The following TCF12 variants were observed in gnomAD, a reference collection of about 807,000 sequenced individuals.
TCF12 encodes the protein transcription factor 12.
TCF12 carries 45 observed loss-of-function variants against 86.0 expected under a neutral mutation model. That is an observed-to-expected ratio of 0.52 (90% CI 0.41 to 0.67). The LOEUF is 0.67. Ranked by LOEUF, TCF12 falls within the 30% of genes least tolerant of loss-of-function variation. The pLI is 0.00. For synonymous variants in TCF12, 330 were observed against 299.6 expected, an observed-to-expected ratio of 1.10 and a Z score of -1.05; for missense variants, 881 against 859.9, an observed-to-expected ratio of 1.02 and a Z score of -0.31.
At chr15:57,233,274 G>A (rs2059241049) in intron 11 of TCF12, among the ~76,000 whole-genome samples, 1 of 151,846 alleles carries the variant, frequency 6.6e-6, no homozygotes, top group South Asian at 2.1e-4. Flanking sequence ...CAAGGTTGAG[G>A]AGGTGATCCT....
chr15:57,021,526 A>C (rs1168415382), intron 3 of TCF12, among the ~76,000 whole-genome samples: 1 of 152,206 alleles, frequency 6.6e-6, no homozygotes, highest in African/African-American at 2.4e-5. Flanking sequence ...TGAGAATGCT[A>C]TTCAGAATGA....
chr15:57,019,840 G>T (rs2065368725), intron 3 of TCF12, among the ~76,000 whole-genome samples: 1 of 151,994 alleles, frequency 6.6e-6, no homozygotes, highest in Non-Finnish European at 1.5e-5. Flanking sequence ...CATTTTATTA[G>T]AATTCATGCC....
intron 4 of TCF12, among the ~76,000 whole-genome samples, chr15:57,073,830 G>A (rs1414637804): frequency 1.3e-5 from 2 of 152,092 alleles, no homozygotes; most frequent in Non-Finnish European, 2.9e-5. Context: ...CTCACTGCAA[G>A]CTCTGCCTCC....
At chr15:57,163,214 A>G (rs967580298) in intron 5 of TCF12, among the ~76,000 whole-genome samples, 7 of 152,012 alleles carry the variant, frequency 4.6e-5, no homozygotes, top group African/African-American at 7.2e-5. Flanking sequence ...ACTAATTAAA[A>G]AAACTCTACA....
intron 3 of TCF12, among the ~76,000 whole-genome samples, chr15:56,924,119 A>G (rs1412012179): frequency 6.6e-6 from 1 of 152,122 alleles, no homozygotes; most frequent in Non-Finnish European, 1.5e-5. Context: ...ACTCTTCAGT[A>G]TTTCTATTTT....
intron 5 of TCF12, among the ~76,000 whole-genome samples, chr15:57,098,205 CAAAA>C (rs759728101): frequency 9.2e-5 from 14 of 151,650 alleles, no homozygotes; most frequent in Non-Finnish European, 1.8e-4. Context: ...AACAAACAAA[CAAAA>C]AAACAGAAAA....
intron 3 of TCF12, among the ~76,000 whole-genome samples, chr15:56,961,406 A>G (rs2061746791): frequency 6.6e-6 from 1 of 152,226 alleles, no homozygotes; most frequent in South Asian, 2.1e-4. Flanking sequence ...AGTATCAGGT[A>G]TCCAACCATA....
At chr15:56,919,751 G>A in intron 1 of TCF12, 141 bp from the exon 2 acceptor site, 3 of 648,990 alleles carry the variant, frequency 4.6e-6, no homozygotes, top group Non-Finnish European at 7.5e-6. Context: ...TGCTCGCGCC[G>A]CGGTGGGAGC....
intron 3 of TCF12, among the ~76,000 whole-genome samples, chr15:56,927,242 C>T (rs149099385): frequency 1.6e-4 from 25 of 152,020 alleles, no homozygotes; most frequent in African/African-American, 3.9e-4. Flanking sequence ...GAAGCATGCT[C>T]GGTAAAGATG....
chr15:56,948,339 A>G (rs896331053), intron 3 of TCF12, among the ~76,000 whole-genome samples: 1 of 152,200 alleles, frequency 6.6e-6, no homozygotes, highest in Admixed American at 6.5e-5. Flanking sequence ...TTGAGTCTTT[A>G]CAGAAAAGCC....
chr15:57,084,620 G>A (rs2048512298), intron 4 of TCF12, among the ~76,000 whole-genome samples: 1 of 151,968 alleles, frequency 6.6e-6, no homozygotes. Context: ...TCAGTTTTAA[G>A]GACCACATTT....
At chr15:57,141,181 A>G (rs2052935016) in intron 5 of TCF12, among the ~76,000 whole-genome samples, 1 of 152,096 alleles carries the variant, frequency 6.6e-6, no homozygotes, top group Non-Finnish European at 1.5e-5. Flanking sequence ...GTGATTTCAA[A>G]TGTATTTATT....
At chr15:57,192,350 C>G in intron 7 of TCF12, 57 bp downstream of exon 7, 2 of 1,580,632 alleles carry the variant, frequency 1.3e-6, no homozygotes, top group Admixed American at 1.8e-5. Flanking sequence ...TTTTTTCCTC[C>G]CATAATCTGT....
At chr15:56,970,206 G>A (rs1318990301) in intron 3 of TCF12, among the ~76,000 whole-genome samples, 1 of 152,172 alleles carries the variant, frequency 6.6e-6, no homozygotes, top group Non-Finnish European at 1.5e-5. Context: ...TTACAGCTGG[G>A]AGTGGTGGCT....
intron 3 of TCF12, among the ~76,000 whole-genome samples, chr15:56,925,232 T>C (rs2059951561): frequency 7.6e-6 from 1 of 132,108 alleles, no homozygotes; most frequent in African/African-American, 2.6e-5. Context: ...AAACAAATGG[T>C]GTCCACCGCC....
chr15:57,230,650 T>C (rs150396538), intron 8 of TCF12, among the ~76,000 whole-genome samples: 2 of 152,204 alleles, frequency 1.3e-5, no homozygotes, highest in East Asian at 3.9e-4. Flanking sequence ...TCCTGAACAA[T>C]TGTGTTGTGC....
intron 6 of TCF12, among the ~76,000 whole-genome samples, chr15:57,185,472 G>A (rs529041176): frequency 6.6e-6 from 1 of 152,020 alleles, no homozygotes; most frequent in African/African-American, 2.4e-5. Context: ...TAAGAAACAA[G>A]TAAAAGAAGA....
chr15:57,188,357 C>T (rs1239685795), intron 6 of TCF12, among the ~76,000 whole-genome samples: 4 of 152,136 alleles, frequency 2.6e-5, no homozygotes, highest in African/African-American at 9.7e-5. Flanking sequence ...ATCTGGTATT[C>T]AGTCCATTTG....
intron 4 of TCF12, among the ~76,000 whole-genome samples, chr15:57,089,471 G>T (rs1021529010): frequency 7.2e-5 from 11 of 151,956 alleles, no homozygotes; most frequent in African/African-American, 2.7e-4. Flanking sequence ...CAGGGTAAAA[G>T]ACACTACATG....
Sources: allele counts gnomAD v4.1 joint callset (sites outside exome capture counted in the v4.1 genomes callset), GRCh38; gene constraint gnomAD v4.1.1; transcripts MANE v1.5; gene names NCBI Gene and HGNC (gene_info 2026-07-23, HGNC 2026-07-21).